The following SH3BP1 variants were observed in gnomAD, a reference collection of about 807,000 sequenced individuals.
The protein encoded by SH3BP1 is SH3 domain-binding protein 1.
A neutral mutation model predicts 69.8 loss-of-function variants in SH3BP1; 46 were observed. The ratio of observed to expected loss-of-function variants is 0.66; its 90% confidence interval spans 0.52 to 0.84. The LOEUF (loss-of-function observed/expected upper bound fraction) is 0.84, where lower values mean the gene tolerates loss of function less well. Ranked by LOEUF, SH3BP1 falls within the 40% of genes least tolerant of loss-of-function variation. The pLI is 0.00. For synonymous variants in SH3BP1, 403 were observed against 378.0 expected (o/e 1.07, Z -0.77); for missense variants, 868 against 930.9 (o/e 0.93, Z 0.88).
chr22:37,648,546 G>C (rs1270529730), intron 14 of SH3BP1, 111 bp downstream of exon 14: 1 of 731,962 alleles, frequency 1.4e-6, no homozygotes, highest in Middle Eastern at 3.6e-4. Flanking sequence ...GGAGTGGGTT[G>C]AGCAGCTCCT....
rs928451907 is a variant in SH3BP1 at position 37,655,792 on chromosome 22, C to T, written c.*108C>T. ...AGGGGCATGGGCCTCCAGCCTTTGCCCACAAGTGCCTCAGTGCCCACTGGG... is the reference window on the plus strand; with the variant it reads ...AGGGGCATGGGCCTCCAGCCTTTGCTCACAAGTGCCTCAGTGCCCACTGGG... On this transcript the variant is annotated 3_prime_UTR_variant, in exon 18 of 18. Transcript: ENST00000649765. The T allele has an allele frequency of 1.4e-6, 2 of 1,449,048 alleles. No homozygotes were observed. The highest frequency in any genetic ancestry group is 2.9e-5 in the African/African-American group (2 of 70,084). The allele number at this position is 1,449,048 out of a possible 1,614,324, so 89.8% of individuals were successfully genotyped here.
chr22:37,643,796 C>T lies in SH3BP1; in HGVS notation c.618+8C>T, dbSNP rs1932705436. ...AAAGTGGAGCAATGCAGGGTGAGGGCCATGGGGGTCCCCTGGATATGTAGG... is the reference window on the plus strand; with the variant it reads ...AAAGTGGAGCAATGCAGGGTGAGGGTCATGGGGGTCCCCTGGATATGTAGG... On this transcript the variant is annotated splice_region_variant and intron_variant, in intron 7 of 17. Transcript: ENST00000649765. 5.6e-6 allele frequency: 9 copies of T among 1,612,030 alleles called. No individual in the cohort carries two copies. Among genetic ancestry groups the T allele is most frequent in the Non-Finnish European group, 7.6e-6 (9 of 1,179,794 alleles).
rs866470434 is a variant in SH3BP1 at position 37,650,490 on chromosome 22, T to G, written c.1415-52T>G. The G allele has an allele frequency of 5.8e-6, 9 of 1,562,934 alleles. No individual in the cohort carries two copies. In the Middle Eastern group the frequency reaches 1.5e-3, roughly 268 times the overall value. On this transcript the variant is annotated intron_variant, in intron 15 of 17. Coordinates refer to ENST00000649765, the MANE Select transcript of SH3BP1 (RefSeq NM_018957.6). ...GGGGAAACGGTCCCGGCCAGTGGAG[T>G]GAGGAGCCTGGCGCGGTCTCTGAGA...
chr22:37,645,580 T>C (rs1601583977), intron 10 of SH3BP1, 70 bp downstream of exon 10: 3 of 1,526,340 alleles, frequency 2.0e-6, no homozygotes, highest in Non-Finnish European at 2.7e-6. Flanking sequence ...GCCCACTTGC[T>C]GCCCTTTCCG....
chr22:37,644,463 G>A (rs1042584665), intron 7 of SH3BP1, among the ~76,000 whole-genome samples, 174 bp from the exon 8 acceptor site: 1 of 152,248 alleles, frequency 6.6e-6, no homozygotes, highest in Admixed American at 6.5e-5. Context: ...AAGTTTGAGG[G>A]AGTTCCCAGG....
Position 37,655,460 on chromosome 22 carries a change from C to G in SH3BP1, c.1882C>G (p.Pro628Ala). The change falls in exon 18 of 18, where the codon CCT becomes GCT. Residue 628 changes from proline (P) to alanine (A), a missense_variant. By Grantham distance (27) the Pro-to-Ala change is conservative. Around this residue, in one of 3 missense-constraint regions of SH3BP1, gnomAD observed 474 missense variants for 462.3 expected, o/e 1.03. Coordinates refer to ENST00000649765, the MANE Select transcript of SH3BP1 (RefSeq NM_018957.6). ...GCCACCCCCGTTACCCCCCACACCCCCTCAGCCTGCCCGGCGCCAAAGCCG... is the reference window on the plus strand; with the variant it reads ...GCCACCCCCGTTACCCCCCACACCCGCTCAGCCTGCCCGGCGCCAAAGCCG... ...TVPPPLPPTP[P>A]QPARRQSRRS... The G allele has an allele frequency of 2.9e-6, 4 of 1,390,078 alleles. No individual in the cohort carries two copies. The highest frequency in any genetic ancestry group is 3.9e-6 in the Non-Finnish European group (4 of 1,022,402). 86.1% of individuals were successfully genotyped at this position (1,390,078 alleles called of 1,614,324 possible). A position where few individuals can be genotyped will look rare whatever the true frequency, so the allele number is the denominator to read the frequency against.
Position 37,646,847 on chromosome 22 carries a change from G to T in SH3BP1, c.954G>T (p.Ser318=). The change falls in exon 11 of 18, where the codon TCG becomes TCT. Residue 318 remains serine (S), a synonymous_variant. Coordinates refer to ENST00000649765, the MANE Select transcript of SH3BP1 (RefSeq NM_018957.6). ...EGLFRLAAGA[S]VLKRLKQTMA... ...TCTTCCGTCTGGCTGCTGGGGCCTC[G>T]GTGCTGAAGCGTCTCAAGCAGACAA... The T allele has an allele frequency of 6.4e-7, 1 of 1,553,192 alleles. No homozygotes were observed.
At position 37,639,687 on chromosome 22, in the gene SH3BP1, T is replaced by G. The variant is rs1236893696; in HGVS notation, c.-101T>G. The G allele has an allele frequency of 4.3e-6, 3 of 698,392 alleles. No individual in the cohort carries two copies. Among genetic ancestry groups the G allele is most frequent in the Non-Finnish European group, 6.5e-6 (3 of 462,146 alleles). 43.3% of individuals were successfully genotyped at this position (698,392 alleles called of 1,614,324 possible). ...AGGAAGCGAGAGCGCCGCCCACCCATCCGGGGCAAGAGCCGCGCCGCAGGA... is the reference window on the plus strand; with the variant it reads ...AGGAAGCGAGAGCGCCGCCCACCCAGCCGGGGCAAGAGCCGCGCCGCAGGA... On this transcript the variant is annotated 5_prime_UTR_variant, in exon 1 of 18. Transcript: ENST00000649765.
chr22:37,640,598 C>A, intron 1 of SH3BP1: 1 of 161,476 alleles, frequency 6.2e-6, no homozygotes, highest in Non-Finnish European at 1.4e-5. Flanking sequence ...CAGATGCCTA[C>A]ATAGCCTGGA....
At chr22:37,640,670 G>T in intron 1 of SH3BP1, 1 of 182,150 alleles carries the variant, frequency 5.5e-6, no homozygotes, top group Non-Finnish European at 1.2e-5. Flanking sequence ...GGGGGCCAAG[G>T]GCCTGTGCAC....
rs2146067445 is a variant in SH3BP1 at position 37,650,398 on chromosome 22, G to A, written c.1415-144G>A. ...ACAACGGGGATGGTCTGCCTGCTTT[G>A]TGGGGTGGTGGTGAGGCTCACACGG... On this transcript the variant is annotated intron_variant, in intron 15 of 17. Transcript: ENST00000649765. 9.4e-6 allele frequency: 14 copies of A among 1,491,838 alleles called. No individual in the cohort carries two copies. The South Asian group carries it at 1.9e-4, about 20-fold the overall frequency. The allele number at this position is 1,491,838 out of a possible 1,614,324, so 92.4% of individuals were successfully genotyped here.
At chr22:37,647,715 G>T (rs1245126321) in intron 13 of SH3BP1, among the ~76,000 whole-genome samples, 194 bp downstream of exon 13, 4 of 150,630 alleles carry the variant, frequency 2.7e-5, no homozygotes, top group African/African-American at 4.9e-5. Context: ...TCACTCTGTC[G>T]CCCAAGCTGG....
intron 11 of SH3BP1, 55 bp from the exon 12 acceptor site, chr22:37,647,212 A>T: frequency 6.8e-7 from 1 of 1,470,622 alleles, no homozygotes; most frequent in Non-Finnish European, 9.5e-7. Flanking sequence ...TTCTACAGGG[A>T]GAGTGGGAGA....
At position 37,643,692 on chromosome 22, in the gene SH3BP1, C is replaced by T. The variant is rs373250431; in HGVS notation, c.522C>T (p.Gly174=). 1.4e-5 allele frequency: 23 copies of T among 1,614,150 alleles called. No homozygotes were observed. Among genetic ancestry groups the T allele is most frequent in the Non-Finnish European group, 1.9e-5 (22 of 1,180,038 alleles). The change falls in exon 7 of 18, where the codon GGC becomes GGT. Residue 174 remains glycine (G), a synonymous_variant. Coordinates refer to ENST00000649765, the MANE Select transcript of SH3BP1 (RefSeq NM_018957.6). ...KNSGSSQGLG[G]SPGSHSHTTM... The stretch of plus-strand genomic sequence containing the variant: ...CAGGCAGCAGTCAAGGCCTAGGAGG[C>T]AGCCCGGGTAGTCACAGCCATACGA...
intron 4 of SH3BP1, 139 bp downstream of exon 4, chr22:37,642,754 A>G: frequency 1.2e-6 from 2 of 1,600,058 alleles, no homozygotes; most frequent in Non-Finnish European, 1.7e-6. Context: ...GAGGGTGGCC[A>G]GGCCTGGGAG....
rs1391064234 is a variant in SH3BP1 at position 37,655,565 on chromosome 22, G to A, written c.1987G>A (p.Val663Met). The A allele has an allele frequency of 1.9e-6, 3 of 1,592,236 alleles. No individual in the cohort carries two copies. Among genetic ancestry groups the A allele is most frequent in the Non-Finnish European group, 2.6e-6 (3 of 1,170,334 alleles). The part of the protein sequence containing the change: ...SPVSLSNPAQ[V>M]DLGAATAEGG... The stretch of plus-strand genomic sequence containing the variant: ...AGTCTCTTTGAGTAACCCTGCACAG[G>A]TGGACCTGGGGGCTGCCACAGCAGA... Residue 663 changes from valine to methionine, a missense_variant, in exon 18 of 18, where the codon GTG becomes ATG. Physicochemically the swap from Val to Met is conservative, Grantham distance 21 (BLOSUM62 1). Coordinates refer to ENST00000649765, the MANE Select transcript of SH3BP1 (RefSeq NM_018957.6).
At chr22:37,652,876 C>T (rs538328396) in intron 16 of SH3BP1, among the ~76,000 whole-genome samples, 1 of 150,540 alleles carries the variant, frequency 6.6e-6, no homozygotes, top group African/African-American at 2.5e-5. Context: ...TGGCTCACAC[C>T]TGTAATCCCA....
rs1335385483 is a variant in SH3BP1, at chr22:37,643,874, G to T, written c.618+86G>T. On this transcript the variant is annotated intron_variant, in intron 7 of 17. Coordinates refer to ENST00000649765, the MANE Select transcript of SH3BP1 (RefSeq NM_018957.6). The stretch of plus-strand genomic sequence containing the variant: ...TCACAGGCAAGGAAGCTGAAGTTCA[G>T]AGAGGTGACATGACTTGCCTAAGGC... 6.5e-6 allele frequency: 10 copies of T among 1,546,084 alleles called. No homozygotes were observed. In the Admixed American group the frequency reaches 1.7e-4, roughly 27 times the overall value.
In SH3BP1 at chr22:37,643,731, G is replaced by A; in HGVS notation, c.561G>A (p.Lys187=). ...GSHSHTTMAN[K]VETLKEEEEE... The stretch of plus-strand genomic sequence containing the variant: ...ACAGCCATACGACCATGGCCAACAA[G>A]GTGGAGACGCTGAAGGAGGAGGAGG... Residue 187 remains lysine, a synonymous_variant, in exon 7 of 18, where the codon AAG becomes AAA. Transcript: ENST00000649765. 1 of 1,614,042 alleles carries A rather than the reference G, an allele frequency of 6.2e-7. No individual in the cohort carries two copies. Among genetic ancestry groups the A allele is most frequent in the East Asian group, 2.2e-5 (1 of 44,890 alleles).
Sources: gnomAD v4.1 joint callset for allele counts (sites outside exome capture counted in the v4.1 genomes callset) on GRCh38, gnomAD v4.1.1 for gene constraint, gnomAD v4.1.1 regional missense constraint, MANE v1.5 for transcripts, NCBI Gene and HGNC (gene_info 2026-07-23, HGNC 2026-07-21) for gene names.